Variants in ITPR2 observed in about 807,000 individuals in gnomAD.
The protein encoded by ITPR2 is inositol 1,4,5-trisphosphate-gated calcium channel ITPR2.
A neutral mutation model predicts 317.1 loss-of-function variants in ITPR2; 207 were observed. The ratio of observed to expected loss-of-function variants is 0.65; its 90% CI spans 0.58 to 0.73. The LOEUF (loss-of-function observed/expected upper bound fraction) is 0.73. Among genes scored for constraint, ITPR2 ranks in the 30% least tolerant of loss-of-function variants. ITPR2 has a pLI of 0.00. For missense variants in ITPR2, 2,613 were observed against 3,284.0 expected (o/e 0.80, Z 4.99); for synonymous variants, 1,156 against 1,149.1 (o/e 1.01, Z -0.12).
intron 1 of ITPR2, among the ~76,000 whole-genome samples, chr12:26,829,105 G>A (rs1238182727): frequency 6.6e-6 from 1 of 152,114 alleles, no homozygotes; most frequent in Non-Finnish European, 1.5e-5. Flanking sequence ...GATGCTTTCT[G>A]AAAGCAACTT....
rs200590031 is a variant in ITPR2, at chr12:26,600,235, C to G, written c.3679-126G>C. ...CATCTTTGATCTCCTTTCTCTGTGTCCTTTATGTTTCACACCTCTCCCAGT... is the reference window on the plus strand; with the variant it reads ...CATCTTTGATCTCCTTTCTCTGTGTGCTTTATGTTTCACACCTCTCCCAGT... On this transcript the variant is annotated intron_variant, in intron 28 of 56. Coordinates refer to ENST00000381340, the MANE Select transcript of ITPR2 (RefSeq NM_002223.4). 23 of 716,648 alleles carry G rather than the reference C, an allele frequency of 3.2e-5. No individual in the cohort carries two copies. In the East Asian group the frequency reaches 6.5e-4, roughly 20 times the overall value. The allele number at this position is 716,648 out of a possible 1,614,324, so 44.4% of individuals were successfully genotyped here. A position where few individuals can be genotyped will look rare whatever the true frequency, so the allele number is the denominator to read the frequency against.
At chr12:26,802,587 CTATATATAGATATAGATATAGATATATAT>C (rs1565777598) in intron 1 of ITPR2, among the ~76,000 whole-genome samples, 23 of 9,404 alleles carry the variant, frequency 2.4e-3, no homozygotes, top group Non-Finnish European at 4.2e-3. Flanking sequence ...ATAGATATAT[CTATATATAGATATAGATATAGATATATAT>C]AGATATAGAT....
chr12:26,362,122 C>T (rs1271024063), intron 55 of ITPR2, among the ~76,000 whole-genome samples: 5 of 152,154 alleles, frequency 3.3e-5, no homozygotes, highest in African/African-American at 1.2e-4. Flanking sequence ...CTGGAGGGTG[C>T]TGTATTCCCA....
At chr12:26,366,182 T>C (rs1457855145) in intron 55 of ITPR2, among the ~76,000 whole-genome samples, 1 of 152,170 alleles carries the variant, frequency 6.6e-6, no homozygotes, top group Non-Finnish European at 1.5e-5. Context: ...GAAAATGTTG[T>C]TTCTGCTAGC....
At chr12:26,398,427 T>TAACA (rs996884530) in intron 54 of ITPR2, among the ~76,000 whole-genome samples, 1 of 151,860 alleles carries the variant, frequency 6.6e-6, no homozygotes, top group Admixed American at 6.6e-5. Context: ...CATCTCAAAA[T>TAACA]AACAAACAAA....
At chr12:26,596,632 G>A (rs1945853463) in intron 31 of ITPR2, among the ~76,000 whole-genome samples, 1 of 127,452 alleles carries the variant, frequency 7.8e-6, no homozygotes, top group Non-Finnish European at 1.6e-5. Context: ...GGGCAACAGA[G>A]CAAAACTCTG....
chr12:26,607,803 G>A (rs998402599), intron 26 of ITPR2, among the ~76,000 whole-genome samples: 1 of 152,128 alleles, frequency 6.6e-6, no homozygotes, highest in Non-Finnish European at 1.5e-5. Flanking sequence ...AATGGCGGCC[G>A]GGCGCAGTGG....
intron 51 of ITPR2, among the ~76,000 whole-genome samples, chr12:26,413,777 C>T (rs1323267271): frequency 6.6e-6 from 1 of 151,812 alleles, no homozygotes; most frequent in Non-Finnish European, 1.5e-5. Context: ...TACTGCTGCC[C>T]ATTTTGTAAA....
chr12:26,515,261 T>C (rs796795196), intron 37 of ITPR2, among the ~76,000 whole-genome samples: 1 of 152,174 alleles, frequency 6.6e-6, no homozygotes, highest in Non-Finnish European at 1.5e-5. Flanking sequence ...AATACTAAAG[T>C]TTTTCTTTAA....
At chr12:26,706,463 G>A (rs3782309) in intron 9 of ITPR2, among the ~76,000 whole-genome samples, 8 of 151,906 alleles carry the variant, frequency 5.3e-5, no homozygotes, top group South Asian at 4.2e-4. Context: ...CATATGAAAC[G>A]AGTTTGTATG....
chr12:26,460,297 C>T (rs1941984890), intron 45 of ITPR2, among the ~76,000 whole-genome samples: 1 of 152,190 alleles, frequency 6.6e-6, no homozygotes, highest in African/African-American at 2.4e-5. Flanking sequence ...GTAAGAGACT[C>T]CAGATTCTCA....
chr12:26,669,307 A>G (rs2136932371), intron 13 of ITPR2, among the ~76,000 whole-genome samples: 1 of 152,180 alleles, frequency 6.6e-6, no homozygotes, highest in South Asian at 2.1e-4. Flanking sequence ...AAGAAGAGGA[A>G]TTAAGAGGAT....
At chr12:26,825,343 C>T (rs956855014) in intron 1 of ITPR2, among the ~76,000 whole-genome samples, 4 of 152,136 alleles carry the variant, frequency 2.6e-5, no homozygotes, top group African/African-American at 9.7e-5. Context: ...ATTTTAAAAA[C>T]CATAAAATTC....
At chr12:26,781,990 C>CTG (rs1179500942) in intron 2 of ITPR2, among the ~76,000 whole-genome samples, 4 of 60,318 alleles carry the variant, frequency 6.6e-5, no homozygotes, top group African/African-American at 2.0e-4. Flanking sequence ...ATAAACTCCC[C>CTG]TGTATATATA....
intron 55 of ITPR2, among the ~76,000 whole-genome samples, chr12:26,365,664 G>A (rs1165565892): frequency 6.6e-6 from 1 of 152,180 alleles, no homozygotes; most frequent in Non-Finnish European, 1.5e-5. Flanking sequence ...TTGCATACTA[G>A]CTAAAGGAAT....
chr12:26,810,895 G>A (rs901285509), intron 1 of ITPR2, among the ~76,000 whole-genome samples: 1 of 151,832 alleles, frequency 6.6e-6, no homozygotes, highest in Admixed American at 6.6e-5. Flanking sequence ...CAAACTCCTG[G>A]GCGCAAGCAA....
chr12:26,570,633 G>A (rs1396689854), intron 34 of ITPR2, among the ~76,000 whole-genome samples: 1 of 152,156 alleles, frequency 6.6e-6, no homozygotes, highest in Non-Finnish European at 1.5e-5. Context: ...TTGGAAAATA[G>A]ATTATGTTGC....
At chr12:26,599,771 T>G (rs562969251) in intron 29 of ITPR2, among the ~76,000 whole-genome samples, 1 of 152,068 alleles carries the variant, frequency 6.6e-6, no homozygotes, top group Admixed American at 6.6e-5. Context: ...ACGTATAAAA[T>G]ACATTGTCAT....
At chr12:26,687,386 C>T (rs998791178) in intron 10 of ITPR2, among the ~76,000 whole-genome samples, 2 of 152,060 alleles carry the variant, frequency 1.3e-5, no homozygotes, top group African/African-American at 2.4e-5. Context: ...TAGTGACTTA[C>T]ACATATTTAT....
Sources: gnomAD v4.1 joint callset for allele counts (sites outside exome capture counted in the v4.1 genomes callset) on GRCh38, gnomAD v4.1.1 for gene constraint, MANE v1.5 for transcripts, NCBI Gene and HGNC (gene_info 2026-07-23, HGNC 2026-07-21) for gene names.